Variants in ZSWIM5 observed in about 807,000 individuals in gnomAD.
ZSWIM5 encodes zinc finger SWIM domain-containing protein 5.
Under a neutral mutation model 119.6 loss-of-function variants are expected in ZSWIM5, and 55 were observed. The ratio of observed to expected loss-of-function variants is 0.46; its 90% CI spans 0.37 to 0.58. The LOEUF (loss-of-function observed/expected upper bound fraction) is 0.58. ZSWIM5 is among the 20% of genes least tolerant of loss of function. ZSWIM5 has a pLI of 0.00. For missense variants in ZSWIM5, 1,193 were observed against 1,512.8 expected (o/e 0.79, Z 3.51); for synonymous variants, 537 against 606.9 (o/e 0.88, Z 1.69).
chr1:45,059,975 A>G (rs974601236), intron 3 of ZSWIM5, 124 bp downstream of exon 3: 20 of 1,229,162 alleles, frequency 1.6e-5, no homozygotes, highest in Non-Finnish European at 2.0e-5. Context: ...CTAGATTTCA[A>G]GTATTCAGTT....
Position 45,153,243 on chromosome 1 carries a change from C to T in ZSWIM5, c.595+52513G>A, listed in dbSNP as rs578227727. Among the ~76,000 whole-genome samples, 47 of 151,828 alleles carry T rather than the reference C, an allele frequency of 3.1e-4. 1 individual carries two copies. The highest frequency in any genetic ancestry group is 2.6e-3 in the Admixed American group (39 of 15,256). On this transcript the variant is annotated intron_variant, in intron 1 of 13. Coordinates refer to ENST00000359600, the MANE Select transcript of ZSWIM5 (RefSeq NM_020883.2). ...TTCTCAAAGAATTAAAAATAGAGGCCGGGCTCAGTGGTTTACGCCTGCAAT... is the reference window on the plus strand; with the variant it reads ...TTCTCAAAGAATTAAAAATAGAGGCTGGGCTCAGTGGTTTACGCCTGCAAT...
intron 1 of ZSWIM5, among the ~76,000 whole-genome samples, chr1:45,090,179 C>A (rs775090277): frequency 1.3e-5 from 2 of 152,026 alleles, no homozygotes; most frequent in Non-Finnish European, 2.9e-5. Context: ...TAAAACCTAG[C>A]GAAATTATCA....
At chr1:45,055,678 T>C (rs1466809021) in intron 4 of ZSWIM5, among the ~76,000 whole-genome samples, 2 of 152,128 alleles carry the variant, frequency 1.3e-5, no homozygotes, top group Non-Finnish European at 2.9e-5. Flanking sequence ...ATCATTTAGG[T>C]AGAGAACGTA....
intron 11 of ZSWIM5, among the ~76,000 whole-genome samples, chr1:45,025,482 A>AT (rs938206083): frequency 1.3e-5 from 2 of 151,812 alleles, no homozygotes. Flanking sequence ...ATCATCTTTG[A>AT]TTTTTTTTCA....
intron 2 of ZSWIM5, among the ~76,000 whole-genome samples, chr1:45,084,075 A>G (rs1645309990): frequency 6.6e-6 from 1 of 152,046 alleles, no homozygotes; most frequent in Non-Finnish European, 1.5e-5. Flanking sequence ...ATGCCCAGCT[A>G]ATTTTTGAAT....
At position 45,206,238 on chromosome 1, in the gene ZSWIM5, C is replaced by T; in HGVS notation, c.113G>A (p.Gly38Glu). Residue 38 changes from glycine (G) to glutamate (E), a missense_variant, in exon 1 of 14, where the codon GGG (glycine) becomes GAG (glutamate). By Grantham distance (98) the Gly-to-Glu change is moderately conservative (BLOSUM62 -2). Coordinates refer to ENST00000359600, the MANE Select transcript of ZSWIM5 (RefSeq NM_020883.2). ...GCCCCCTGCCCCTCCGCCGGCTGCC[C>T]CAGGCGAACCGCGAGGGTGATGAGC... ...PQAHHPRGSP[G>E]AAGGGAGGVG... The T allele has an allele frequency of 6.3e-7, 1 of 1,584,276 alleles. No homozygotes were observed. Among genetic ancestry groups the T allele is most frequent in the Non-Finnish European group, 8.6e-7 (1 of 1,166,722 alleles).
chr1:45,052,137 C>T (rs558659218), intron 4 of ZSWIM5, among the ~76,000 whole-genome samples: 7 of 151,642 alleles, frequency 4.6e-5, no homozygotes, highest in East Asian at 2.0e-4. Context: ...CCCCTCGCAC[C>T]CCACCCCCAA....
At chr1:45,193,938 G>GTATATATA (rs112350029) in intron 1 of ZSWIM5, among the ~76,000 whole-genome samples, 25 of 146,270 alleles carry the variant, frequency 1.7e-4, no homozygotes, top group African/African-American at 5.8e-4. Context: ...GTGCATATGT[G>GTATATATA]TATATATATA....
At chr1:45,176,534 G>A (rs1187810964) in intron 1 of ZSWIM5, among the ~76,000 whole-genome samples, 1 of 152,004 alleles carries the variant, frequency 6.6e-6, no homozygotes, top group Non-Finnish European at 1.5e-5. Context: ...CAAAGTGTTG[G>A]GATTACAGGC....
chr1:45,019,807 C>A lies in ZSWIM5; in HGVS notation c.2695+259G>T, dbSNP rs760672463. Reference sequence around the variant, plus strand: ...AGCACTTGAGTAGCAACTGAAAATTCATTCTCTTAGACATGTCTCTGTTGA... The same window carrying A: ...AGCACTTGAGTAGCAACTGAAAATTAATTCTCTTAGACATGTCTCTGTTGA... On this transcript the variant is annotated intron_variant, in intron 13 of 13. Coordinates refer to ENST00000359600, the MANE Select transcript of ZSWIM5 (RefSeq NM_020883.2). This position sits in a 1 kb window ranked among gnomAD's most constrained non-coding sequence, Gnocchi z 5.0. Among the ~76,000 whole-genome samples the A allele has an allele frequency of 3.5e-4, 53 of 152,160 alleles. No homozygotes were observed. Among genetic ancestry groups the A allele is most frequent in the Non-Finnish European group, 4.3e-4 (29 of 68,014 alleles).
chr1:45,191,732 C>A (rs1314502875), intron 1 of ZSWIM5, among the ~76,000 whole-genome samples: 1 of 152,180 alleles, frequency 6.6e-6, no homozygotes, highest in Middle Eastern at 3.2e-3. Context: ...GATTTGGGCC[C>A]AGGTCTCCAA....
chr1:45,038,849 G>A lies in ZSWIM5; in HGVS notation c.1894+87C>T, dbSNP rs1645001719. On this transcript the variant is annotated intron_variant, in intron 8 of 13. Transcript: ENST00000359600. Reference sequence around the variant, plus strand: ...GAACTCAAGTAATCCACCCACCTTGGCCTCCCAAAATGCTAGGATTACAGG... The same window carrying A: ...GAACTCAAGTAATCCACCCACCTTGACCTCCCAAAATGCTAGGATTACAGG... 4 of 1,537,872 alleles carry A rather than the reference G, an allele frequency of 2.6e-6. No individual in the cohort carries two copies. In the Admixed American group the frequency reaches 5.5e-5, roughly 21 times the overall value.
intron 5 of ZSWIM5, among the ~76,000 whole-genome samples, chr1:45,049,243 A>G (rs1394896396): frequency 2.0e-5 from 3 of 152,236 alleles, no homozygotes; most frequent in Admixed American, 2.0e-4. Context: ...AGAGGTCTAC[A>G]GATGACAAAA....
chr1:45,160,180 T>C (rs962781875), intron 1 of ZSWIM5, among the ~76,000 whole-genome samples: 2 of 152,204 alleles, frequency 1.3e-5, no homozygotes, highest in African/African-American at 4.8e-5. Context: ...TGATCCAAAA[T>C]ATTTTACATA....
rs1177109695 is a variant in ZSWIM5, at chr1:45,076,796, CT to C, written c.952+11084del. Reference sequence around the variant, plus strand: ...GTAGGTATGTATCACTCATTTTATTCTTTTTTTCGTCTCCTCTGACTGTGAA... The same window carrying C: ...GTAGGTATGTATCACTCATTTTATTCTTTTTTCGTCTCCTCTGACTGTGAA... On this transcript the variant is annotated intron_variant, in intron 2 of 13. Transcript: ENST00000359600. 4.6e-5 allele frequency among the ~76,000 whole-genome samples: 7 copies of C among 151,830 alleles called. No homozygotes were observed. In the East Asian group the frequency reaches 1.2e-3, roughly 25 times the overall value.
At chr1:45,086,032 T>C (rs1645327467) in intron 2 of ZSWIM5, among the ~76,000 whole-genome samples, 1 of 152,100 alleles carries the variant, frequency 6.6e-6, no homozygotes, top group African/African-American at 2.4e-5. Flanking sequence ...AAAAAAGAGG[T>C]TTAATTGGCT....
chr1:45,061,997 C>A (rs149907424), intron 2 of ZSWIM5, among the ~76,000 whole-genome samples: 1 of 151,870 alleles, frequency 6.6e-6, no homozygotes, highest in African/African-American at 2.4e-5. Context: ...GACTGAGGCA[C>A]GAGAATTGCT....
At chr1:45,182,390 C>T (rs148155725) in intron 1 of ZSWIM5, among the ~76,000 whole-genome samples, 1,463 of 143,794 alleles carry the variant, frequency 0.01, 39 homozygotes, top group African/African-American at 0.039. Context: ...GGCGACAGAA[C>T]GAGACTCCGT....
chr1:45,062,231 G>C (rs60123910), intron 2 of ZSWIM5, among the ~76,000 whole-genome samples: 1 of 152,122 alleles, frequency 6.6e-6, no homozygotes, highest in Admixed American at 6.5e-5. Flanking sequence ...TATAGGTGTG[G>C]TCATGCCATA....
Sources: allele counts gnomAD v4.1 joint callset (sites outside exome capture counted in the v4.1 genomes callset), GRCh38; gene constraint gnomAD v4.1.1; non-coding constraint Gnocchi (gnomAD v3.1); transcripts MANE v1.5; gene names NCBI Gene and HGNC (gene_info 2026-07-23, HGNC 2026-07-21).